The following LMBRD2 variants were observed in gnomAD, a reference collection of about 807,000 sequenced individuals.
The protein encoded by LMBRD2 is G protein-coupled receptor-associated protein LMBRD2.
Under a neutral mutation model 94.4 loss-of-function variants are expected in LMBRD2, and 55 were observed. The observed-to-expected ratio is 0.58, with a 90% CI of 0.47 to 0.73. LMBRD2 has a LOEUF of 0.73. Among genes scored for constraint, LMBRD2 ranks in the 30% least tolerant of loss-of-function variants. The probability of loss-of-function intolerance (pLI) is 0.00; values close to 1 mark genes in which losing one functional copy is unlikely to be tolerated. For synonymous variants in LMBRD2, 246 were observed against 272.4 expected (o/e 0.90, Z 0.95); for missense variants, 640 against 831.9 (o/e 0.77, Z 2.84).
intron 9 of LMBRD2, among the ~76,000 whole-genome samples, chr5:36,119,955 T>A (rs180677222): frequency 1.6e-3 from 245 of 152,298 alleles, no homozygotes; most frequent in Non-Finnish European, 2.6e-3. Context: ...GTCTTAGAAA[T>A]TCTCTATTGT....
chr5:36,148,027 A>G (rs1208297494), intron 1 of LMBRD2: 1 of 188,198 alleles, frequency 5.3e-6, no homozygotes, highest in Non-Finnish European at 1.3e-5. Context: ...AGATATGTGC[A>G]AAATAATAAA....
intron 1 of LMBRD2, chr5:36,147,939 C>T (rs1561525794): frequency 2.6e-6 from 1 of 386,330 alleles, no homozygotes; most frequent in Non-Finnish European, 5.2e-6. Flanking sequence ...ATACTGTTAA[C>T]TTAAATATCT....
chr5:36,142,542 T>C lies in LMBRD2; in HGVS notation c.232A>G (p.Asn78Asp). Residue 78 changes from asparagine (N) to aspartate (D), a missense_variant, in exon 3 of 18, where the codon AAC becomes GAC. Transcript: ENST00000296603. ...AANSSPPENSNITGLYATANP... is the reference protein window; with the variant it reads ...AANSSPPENSDITGLYATANP... ...GCAGTTGCGTACAATCCTGTAATGT[T>C]GCTATTCTCAGGAGGGCTTGAATTT... 6.2e-7 allele frequency: 1 copy of C among 1,611,360 alleles called. No homozygotes were observed. The highest frequency in any genetic ancestry group is 1.1e-5 in the South Asian group (1 of 91,018).
chr5:36,110,007 T>C lies in LMBRD2; in HGVS notation c.1745-16A>G, dbSNP rs767144574. On this transcript the variant is annotated splice_polypyrimidine_tract_variant and intron_variant, in intron 14 of 17. Coordinates refer to ENST00000296603, the MANE Select transcript of LMBRD2 (RefSeq NM_001007527.2). ...TTTCTCTTCTCTAAAGACAGAAAAA[T>C]GATCTCAAATATGGCATAACATGGT... The C allele has an allele frequency of 1.9e-6, 3 of 1,598,262 alleles. No homozygotes were observed. In the African/African-American group the frequency reaches 4.0e-5, roughly 21 times the overall value.
At chr5:36,113,299 C>A (rs570230422) in intron 13 of LMBRD2, among the ~76,000 whole-genome samples, 2 of 152,220 alleles carry the variant, frequency 1.3e-5, no homozygotes, top group South Asian at 4.1e-4. Flanking sequence ...CCCCTGCTTG[C>A]TCAATCTATC....
At chr5:36,112,409 T>C (rs1743633785) in intron 13 of LMBRD2, among the ~76,000 whole-genome samples, 1 of 152,114 alleles carries the variant, frequency 6.6e-6, no homozygotes, top group African/African-American at 2.4e-5. Context: ...GGTCTGAATA[T>C]TAACTCTGGG....
At position 36,133,235 on chromosome 5, in the gene LMBRD2, T is replaced by G. The variant is rs180944994; in HGVS notation, c.747+3074A>C. ...TATTCAGCCATTAAAAAGAATGAGA[T>G]CCAGTCATTTGCAATAATATGGGTG... On this transcript the variant is annotated intron_variant, in intron 6 of 17. Transcript: ENST00000296603. Among the ~76,000 whole-genome samples, 933 of 152,076 alleles carry G rather than the reference T, an allele frequency of 6.1e-3. 5 individuals are homozygous for G. The highest frequency in any genetic ancestry group is 0.02 in the African/African-American group (850 of 41,492).
intron 1 of LMBRD2, among the ~76,000 whole-genome samples, chr5:36,143,616 C>T (rs904582614): frequency 1.3e-5 from 2 of 152,146 alleles, no homozygotes; most frequent in African/African-American, 4.8e-5. Context: ...AAAAATTTCA[C>T]GTACCTTGTA....
At chr5:36,111,779 C>T (rs1005791275) in intron 13 of LMBRD2, among the ~76,000 whole-genome samples, 2 of 151,988 alleles carry the variant, frequency 1.3e-5, no homozygotes, top group Non-Finnish European at 2.9e-5. Context: ...ATTAATATTT[C>T]TTAAGATCCA....
At chr5:36,111,318 G>T in intron 13 of LMBRD2, 60 bp from the exon 14 acceptor site, 1 of 1,132,472 alleles carries the variant, frequency 8.8e-7, no homozygotes, top group South Asian at 1.3e-5. Context: ...ATATTTAGAT[G>T]AATTGTTCTT....
At chr5:36,143,880 G>A (rs969160415) in intron 1 of LMBRD2, among the ~76,000 whole-genome samples, 37 of 151,840 alleles carry the variant, frequency 2.4e-4, no homozygotes, top group African/African-American at 7.2e-4. Flanking sequence ...AGGAAAAAAC[G>A]GAAAGAGACC....
intron 6 of LMBRD2, among the ~76,000 whole-genome samples, chr5:36,126,984 C>T (rs575560132): frequency 6.6e-6 from 1 of 152,308 alleles, no homozygotes; most frequent in East Asian, 1.9e-4. Context: ...TCTACCCATC[C>T]CGCAAGGCCC....
intron 9 of LMBRD2, among the ~76,000 whole-genome samples, chr5:36,119,144 T>C (rs1245344357): frequency 2.6e-5 from 4 of 152,266 alleles, no homozygotes; most frequent in African/African-American, 9.6e-5. Context: ...TAATTCCTAG[T>C]GATTTCAATA....
chr5:36,124,232 T>C lies in LMBRD2; in HGVS notation c.781A>G (p.Asn261Asp). ...TCAACACATTTTCTCAATGGGTGATTATACTTGATGCTTTCATTCACTTTA... is the reference window on the plus strand; with the variant it reads ...TCAACACATTTTCTCAATGGGTGATCATACTTGATGCTTTCATTCACTTTA... Reference protein sequence around the residue: ...VRKVNESIKYNHPLRKCVDTI... With the variant: ...VRKVNESIKYDHPLRKCVDTI... The change falls in exon 7 of 18, where the codon AAT becomes GAT. Residue 261 changes from asparagine (N) to aspartate (D), a missense_variant. Asn to Asp is a conservative substitution (Grantham distance 23, BLOSUM62 1). Coordinates refer to ENST00000296603, the MANE Select transcript of LMBRD2 (RefSeq NM_001007527.2). 2 of 1,591,346 alleles carry C rather than the reference T, an allele frequency of 1.3e-6. No homozygotes were observed. The highest frequency in any genetic ancestry group is 1.7e-6 in the Non-Finnish European group (2 of 1,160,916).
At position 36,122,937 on chromosome 5, in the gene LMBRD2, T is replaced by C; in HGVS notation, c.847A>G (p.Met283Val). The part of the protein sequence containing the change: ...KKCPTEYQEK[M>V]GRNMDDYEDF... Reference sequence around the variant, plus strand: ...TCATAATCATCCATGTTCCTACCCATTTTTTCCTGATACTCTGTAGGGCAC... The same window carrying C: ...TCATAATCATCCATGTTCCTACCCACTTTTTCCTGATACTCTGTAGGGCAC... The change falls in exon 8 of 18, where the codon ATG becomes GTG. Residue 283 changes from methionine to valine, a missense_variant. Physicochemically the swap from Met to Val is conservative, Grantham distance 21 (BLOSUM62 1). Transcript: ENST00000296603. 1 of 1,557,504 alleles carries C rather than the reference T, an allele frequency of 6.4e-7. No individual in the cohort carries two copies. Among genetic ancestry groups the C allele is most frequent in the Non-Finnish European group, 8.6e-7 (1 of 1,160,482 alleles).
At chr5:36,118,348 A>AT (rs1471918337) in intron 9 of LMBRD2, among the ~76,000 whole-genome samples, 15 of 152,206 alleles carry the variant, frequency 9.9e-5, no homozygotes. Context: ...ATGATCTGGG[A>AT]TTTTTTACAA....
chr5:36,131,594 C>G (rs1326912516), intron 6 of LMBRD2, among the ~76,000 whole-genome samples: 1 of 152,048 alleles, frequency 6.6e-6, no homozygotes, highest in Non-Finnish European at 1.5e-5. Context: ...CCTAAAAACT[C>G]CACCAAAAAA....
chr5:36,142,717 T>A, intron 2 of LMBRD2, 118 bp from the exon 3 acceptor site: 3 of 158,590 alleles, frequency 1.9e-5, no homozygotes, highest in Non-Finnish European at 3.7e-5. Flanking sequence ...TGCTTTATTC[T>A]TTTTTTTTTT....
intron 13 of LMBRD2, among the ~76,000 whole-genome samples, chr5:36,111,565 G>A (rs1189644058): frequency 6.6e-6 from 1 of 152,000 alleles, no homozygotes; most frequent in Non-Finnish European, 1.5e-5. Context: ...AATGATAACT[G>A]TAATAATGTA....
Sources: gnomAD v4.1 joint callset for allele counts (sites outside exome capture counted in the v4.1 genomes callset) on GRCh38, gnomAD v4.1.1 for gene constraint, MANE v1.5 for transcripts, NCBI Gene and HGNC (gene_info 2026-07-23, HGNC 2026-07-21) for gene names.